PALMD: variants seen among roughly 807,000 people sequenced by gnomAD.
The protein encoded by PALMD is palmdelphin.
PALMD carries 42 observed loss-of-function variants against 56.2 expected under a neutral mutation model. The ratio of observed to expected loss-of-function variants is 0.75; its 90% confidence interval spans 0.58 to 0.97. The LOEUF (loss-of-function observed/expected upper bound fraction) is 0.97. Among genes scored for constraint, PALMD ranks in the 50% least tolerant of loss-of-function variants. PALMD has a pLI of 0.00. For missense variants in PALMD, 660 were observed against 643.8 expected, an observed-to-expected ratio of 1.03 and a Z score of -0.27; for synonymous variants, 242 against 222.9, an observed-to-expected ratio of 1.09 and a Z score of -0.76.
chr1:99,667,770 T>C lies in PALMD; in HGVS notation c.251+4T>C. The C allele has an allele frequency of 1.2e-6, 2 of 1,612,660 alleles. No individual in the cohort carries two copies. Among genetic ancestry groups the C allele is most frequent in the Non-Finnish European group, 1.7e-6 (2 of 1,178,866 alleles). ...TTCTAGAACAAAGTATCCTCAGGTA[T>C]GGCCCTCACTGAGATACTCCACAAC... On this transcript the variant is annotated splice_donor_region_variant and intron_variant, in intron 3 of 7. Transcript: ENST00000263174.
chr1:99,659,442 T>C (rs1251290361), intron 1 of PALMD, among the ~76,000 whole-genome samples: 1 of 152,200 alleles, frequency 6.6e-6, no homozygotes, highest in Non-Finnish European at 1.5e-5. Context: ...TCATAATGGT[T>C]ACATTAATAA....
chr1:99,677,311 A>T (rs962828131), intron 3 of PALMD, among the ~76,000 whole-genome samples: 12 of 152,136 alleles, frequency 7.9e-5, no homozygotes, highest in African/African-American at 2.9e-4. Flanking sequence ...ATAAAGTTAC[A>T]CAATAGTCAG....
Position 99,667,763 on chromosome 1 carries a change from T to TC in PALMD, c.249dup (p.Arg84GlnfsTer3), listed in dbSNP as rs1424445509. Reference sequence around the variant, plus strand: ...ATCCAGGTTCTAGAACAAAGTATCCTCAGGTATGGCCCTCACTGAGATACT... The same window carrying TC: ...ATCCAGGTTCTAGAACAAAGTATCCTCCAGGTATGGCCCTCACTGAGATACT... On this transcript the variant is annotated frameshift_variant, in exon 3 of 8. Coordinates refer to ENST00000263174, the MANE Select transcript of PALMD (RefSeq NM_017734.5). LOFTEE classifies it high-confidence loss of function. The TC allele has an allele frequency of 1.2e-6, 2 of 1,613,498 alleles. No homozygotes were observed. Among genetic ancestry groups the TC allele is most frequent in the Admixed American group, 3.3e-5 (2 of 60,004 alleles).
rs34722891 is a variant in PALMD, at chr1:99,648,888, C to CAAA, written c.45+2541_45+2543dup. ...CAAGTGCCAGTCTTTTTCTTTTTCT[C>CAAA]AAAAAAAAAAAAAAAAAGGTTAAAC... On this transcript the variant is annotated intron_variant, in intron 1 of 7. Coordinates refer to ENST00000263174, the MANE Select transcript of PALMD (RefSeq NM_017734.5). Among the ~76,000 whole-genome samples the CAAA allele has an allele frequency of 8.4e-3, 1,071 of 126,880 alleles. 15 individuals are homozygous for CAAA. The highest frequency in any genetic ancestry group is 0.027 in the African/African-American group (885 of 33,140). 83.2% of individuals were successfully genotyped at this position (126,880 alleles called of 152,430 possible). A position where few individuals can be genotyped will look rare whatever the true frequency, so the allele number is the denominator to read the frequency against.
intron 1 of PALMD, among the ~76,000 whole-genome samples, chr1:99,652,711 AAAAG>A (rs1652622529): frequency 4.1e-5 from 4 of 96,414 alleles, no homozygotes; most frequent in African/African-American, 1.5e-4. Flanking sequence ...AAAAGAAAAG[AAAAG>A]AAAAGAAAAG....
intron 3 of PALMD, chr1:99,668,906 TAA>T (rs1653026508): frequency 6.6e-6 from 1 of 152,206 alleles, no homozygotes; most frequent in Admixed American, 6.5e-5. Flanking sequence ...GGAAAATATT[TAA>T]AAGATGGAAT....
At chr1:99,647,509 A>C (rs1399068869) in intron 1 of PALMD, among the ~76,000 whole-genome samples, 1 of 152,238 alleles carries the variant, frequency 6.6e-6, no homozygotes, top group African/African-American at 2.4e-5. Context: ...TCCATAAAAC[A>C]ATGCTTTGTT....
chr1:99,693,855 C>T (rs1653717601), intron 7 of PALMD, among the ~76,000 whole-genome samples, 164 bp from the exon 8 acceptor site: 1 of 152,136 alleles, frequency 6.6e-6, no homozygotes, highest in South Asian at 2.1e-4. Context: ...TTAACCATAG[C>T]TTATTATTTC....
chr1:99,663,779 G>A (rs114450112), intron 2 of PALMD, among the ~76,000 whole-genome samples: 249 of 152,230 alleles, frequency 1.6e-3, no homozygotes, highest in African/African-American at 5.6e-3. Flanking sequence ...CCCTTAGTTC[G>A]TTCTAGAAGT....
At chr1:99,650,380 T>C (rs1376011194) in intron 1 of PALMD, among the ~76,000 whole-genome samples, 3 of 150,462 alleles carry the variant, frequency 2.0e-5, no homozygotes, top group Non-Finnish European at 4.4e-5. Flanking sequence ...CCCAAATAAA[T>C]TTTTCTTGAC....
At chr1:99,658,303 CAAAAAAAAA>C (rs144642179) in intron 1 of PALMD, among the ~76,000 whole-genome samples, 2 of 105,238 alleles carry the variant, frequency 1.9e-5, no homozygotes, top group Non-Finnish European at 2.1e-5. Flanking sequence ...GACTCTGTCT[CAAAAAAAAA>C]AAAAAAGAAA....
chr1:99,671,710 G>C (rs1653092613), intron 3 of PALMD, among the ~76,000 whole-genome samples: 1 of 152,066 alleles, frequency 6.6e-6, no homozygotes, highest in African/African-American at 2.4e-5. Context: ...CTACCATAGA[G>C]GTTAATTTTT....
chr1:99,662,503 A>G, intron 2 of PALMD, 104 bp downstream of exon 2: 1 of 716,556 alleles, frequency 1.4e-6, no homozygotes. Flanking sequence ...AAAAATTTCA[A>G]GATAGTTTGA....
At chr1:99,650,778 A>C (rs2100852450) in intron 1 of PALMD, among the ~76,000 whole-genome samples, 1 of 152,310 alleles carries the variant, frequency 6.6e-6, no homozygotes, top group South Asian at 2.1e-4. Flanking sequence ...ACAGGTCACA[A>C]ACCCAAGAAG....
chr1:99,664,675 A>C (rs1176783095), intron 2 of PALMD, among the ~76,000 whole-genome samples: 1 of 152,200 alleles, frequency 6.6e-6, no homozygotes. Flanking sequence ...AAAATGTGCA[A>C]AAGTATTTTT....
chr1:99,675,564 TC>T (rs1261672674), intron 3 of PALMD, among the ~76,000 whole-genome samples: 4 of 152,126 alleles, frequency 2.6e-5, no homozygotes, highest in African/African-American at 9.7e-5. Flanking sequence ...TACTACAAGG[TC>T]CTCTACAAGC....
chr1:99,673,225 AT>A lies in PALMD; in HGVS notation c.251+5466del, dbSNP rs988377188. On this transcript the variant is annotated intron_variant, in intron 3 of 7. Coordinates refer to ENST00000263174, the MANE Select transcript of PALMD (RefSeq NM_017734.5). ...ATTGATGTAGAAATATAAAAGTTAA[AT>A]TTTTTTGTTACTGGTTATCATTTAT... Among the ~76,000 whole-genome samples, 32 of 152,246 alleles carry A rather than the reference AT, an allele frequency of 2.1e-4. 1 individual carries two copies. The highest frequency in any genetic ancestry group is 7.0e-4 in the African/African-American group (29 of 41,532).
intron 7 of PALMD, 47 bp from the exon 8 acceptor site, chr1:99,693,972 A>C (rs529934865): frequency 3.3e-5 from 46 of 1,404,210 alleles, no homozygotes; most frequent in Middle Eastern, 1.9e-4. Flanking sequence ...TAGAGTAAAA[A>C]TTGAGGATTT....
At chr1:99,689,937 G>T (rs760362941) in intron 7 of PALMD, 65 bp downstream of exon 7, 2 of 1,472,252 alleles carry the variant, frequency 1.4e-6, no homozygotes, top group Admixed American at 4.4e-5. Flanking sequence ...TTGTGCTAAT[G>T]CAGTCTTGCT....
Sources: gnomAD v4.1 joint callset for allele counts (sites outside exome capture counted in the v4.1 genomes callset) on GRCh38, gnomAD v4.1.1 for gene constraint, MANE v1.5 for transcripts, NCBI Gene and HGNC (gene_info 2026-07-23, HGNC 2026-07-21) for gene names.